Variants in HECW2 observed in about 807,000 individuals in gnomAD.
HECW2 encodes E3 ubiquitin-protein ligase HECW2.
In HECW2, 61 loss-of-function variants were observed where a neutral mutation model predicts 175.2. That is an observed-to-expected ratio of 0.35 (90% CI 0.28 to 0.43). The LOEUF is 0.43. Ranked by LOEUF, HECW2 falls within the 20% of genes least tolerant of loss-of-function variation. The probability of loss-of-function intolerance (pLI) is 1.00; values close to 1 mark genes in which losing one functional copy is unlikely to be tolerated. For synonymous variants in HECW2, 671 were observed against 731.0 expected (o/e 0.92, Z 1.32); for missense variants, 1,524 against 2,000.5 (o/e 0.76, Z 4.54).
intron 1 of HECW2, chr2:196,592,791 C>T (rs1436482601): frequency 2.6e-5 from 4 of 151,628 alleles, no homozygotes; most frequent in African/African-American, 9.7e-5. Context: ...GCGCCCGTCG[C>T]CACAAGCTGC....
chr2:196,561,635 T>G (rs1690005288), intron 1 of HECW2, among the ~76,000 whole-genome samples: 1 of 152,222 alleles, frequency 6.6e-6, no homozygotes, highest in South Asian at 2.1e-4. Context: ...TCTTTTGTAC[T>G]CTTTCCCTTT....
At chr2:196,414,800 A>T (rs1186453674) in intron 2 of HECW2, among the ~76,000 whole-genome samples, 1 of 152,080 alleles carries the variant, frequency 6.6e-6, no homozygotes, top group Non-Finnish European at 1.5e-5. Context: ...TTCTTGCCCC[A>T]ACAACTCAAA....
rs1467635875 is a variant in HECW2 at position 196,235,121 on chromosome 2, C to T, written c.3764+5328G>A. ...TTGTATTTTTTTTTTGTTTTTAGAC[C>T]CAGTCTCGCTCTGTCGCCCAGGCTG... On this transcript the variant is annotated intron_variant, in intron 21 of 28. Coordinates refer to ENST00000644978, the MANE Select transcript of HECW2 (RefSeq NM_001348768.2). Among the ~76,000 whole-genome samples, 10 of 144,372 alleles carry T rather than the reference C, an allele frequency of 6.9e-5. No individual in the cohort carries two copies. The South Asian group carries it at 8.7e-4, about 13-fold the overall frequency. 94.7% of individuals were successfully genotyped at this position (144,372 alleles called of 152,430 possible).
At chr2:196,272,592 C>T (rs537911680) in intron 16 of HECW2, among the ~76,000 whole-genome samples, 42 of 152,284 alleles carry the variant, frequency 2.8e-4, no homozygotes, top group African/African-American at 9.6e-4. Flanking sequence ...CTGTAGAGAT[C>T]TGCCATTTCC....
intron 1 of HECW2, among the ~76,000 whole-genome samples, chr2:196,548,240 G>A (rs1689487661): frequency 6.6e-6 from 1 of 151,508 alleles, no homozygotes; most frequent in South Asian, 2.1e-4. Context: ...TGAGGCAGGA[G>A]AATTGCTTGA....
At chr2:196,460,623 T>C (rs1055411034) in intron 1 of HECW2, among the ~76,000 whole-genome samples, 1 of 152,040 alleles carries the variant, frequency 6.6e-6, no homozygotes, top group Non-Finnish European at 1.5e-5. Flanking sequence ...TTTGTTTTTG[T>C]TTGTGAGACA....
At chr2:196,284,534 G>A (rs925978941) in intron 14 of HECW2, among the ~76,000 whole-genome samples, 2 of 152,276 alleles carry the variant, frequency 1.3e-5, no homozygotes, top group Non-Finnish European at 2.9e-5. Flanking sequence ...TTTCCTTAGT[G>A]CTTTGCTTTA....
chr2:196,559,443 G>T (rs1452985772), intron 1 of HECW2, among the ~76,000 whole-genome samples: 2 of 152,202 alleles, frequency 1.3e-5, no homozygotes, highest in African/African-American at 4.8e-5. Flanking sequence ...ATATCAAGCT[G>T]CCATCAACAT....
At chr2:196,329,495 G>T in intron 5 of HECW2, 80 bp downstream of exon 5, 1 of 1,157,760 alleles carries the variant, frequency 8.6e-7, no homozygotes, top group Non-Finnish European at 1.3e-6. Flanking sequence ...ATATACGAAA[G>T]TCTGCAGAAA....
chr2:196,527,116 T>C (rs1179023338), intron 1 of HECW2, among the ~76,000 whole-genome samples: 2 of 152,204 alleles, frequency 1.3e-5, no homozygotes, highest in Admixed American at 6.5e-5. Flanking sequence ...ACTGCTGTGC[T>C]AGCAATCAGC....
chr2:196,529,085 C>T (rs1323216628), intron 1 of HECW2, among the ~76,000 whole-genome samples: 1 of 152,216 alleles, frequency 6.6e-6, no homozygotes, highest in Non-Finnish European at 1.5e-5. Flanking sequence ...AGCCACACCA[C>T]ATGGAATCAA....
At chr2:196,468,077 C>T (rs959270725) in intron 1 of HECW2, among the ~76,000 whole-genome samples, 1 of 152,140 alleles carries the variant, frequency 6.6e-6, no homozygotes, top group African/African-American at 2.4e-5. Context: ...GCACTGCAAC[C>T]TCCACCTCCC....
At chr2:196,318,346 T>C (rs1444622989) in intron 9 of HECW2, among the ~76,000 whole-genome samples, 3 of 152,192 alleles carry the variant, frequency 2.0e-5, no homozygotes, top group African/African-American at 7.2e-5. Flanking sequence ...AGGAAGGGTT[T>C]CAGCTGCCCA....
chr2:196,452,155 T>C (rs79280729), intron 1 of HECW2, among the ~76,000 whole-genome samples: 3,142 of 152,246 alleles, frequency 0.021, 95 homozygotes, highest in African/African-American at 0.072. Flanking sequence ...TATTGATCAT[T>C]TGAAATGTGG....
chr2:196,307,211 T>G lies in HECW2; in HGVS notation c.2608A>C (p.Met870Leu), dbSNP rs748120551. The change falls in exon 12 of 29, where the codon ATG (methionine) becomes CTG (leucine). Residue 870 changes from methionine (M) to leucine (L), a missense_variant. Physicochemically the swap from Met to Leu is conservative, Grantham distance 15 (BLOSUM62 2). This residue lies in a region of HECW2 where 105 missense variants were observed against 98.1 expected (regional missense o/e 1.07). Coordinates refer to ENST00000644978, the MANE Select transcript of HECW2 (RefSeq NM_001348768.2). ...TTTTCCTCAGGCCTCTCATTGGTCA[T>G]GGTTCTGCGGATACTCTGATATCTA... ...NRRYQSIRRT[M>L]TNERPEENTN... 1 of 1,612,982 alleles carries G rather than the reference T, an allele frequency of 6.2e-7. No homozygotes were observed. Among genetic ancestry groups the G allele is most frequent in the South Asian group, 1.1e-5 (1 of 91,062 alleles).
intron 1 of HECW2, among the ~76,000 whole-genome samples, chr2:196,574,359 G>A (rs886455355): frequency 6.6e-6 from 1 of 152,026 alleles, no homozygotes; most frequent in African/African-American, 2.4e-5. Context: ...GAACTCAGGA[G>A]GCAGAGGTTG....
intron 1 of HECW2, among the ~76,000 whole-genome samples, chr2:196,455,394 G>A (rs538575844): frequency 7.9e-5 from 12 of 152,238 alleles, no homozygotes; most frequent in African/African-American, 2.2e-4. Context: ...ATAAATAATA[G>A]TGATTTCTAT....
At chr2:196,570,147 T>C (rs553192122) in intron 1 of HECW2, among the ~76,000 whole-genome samples, 47 of 152,354 alleles carry the variant, frequency 3.1e-4, no homozygotes, top group Admixed American at 5.2e-4. Flanking sequence ...TAGATATGAC[T>C]GCAAACACAG....
intron 2 of HECW2, among the ~76,000 whole-genome samples, chr2:196,362,779 T>C (rs1693634138): frequency 6.6e-6 from 1 of 152,192 alleles, no homozygotes; most frequent in Non-Finnish European, 1.5e-5. Flanking sequence ...AGATCCACCA[T>C]TCTTTAATGG....
Sources: gnomAD v4.1 joint callset for allele counts (sites outside exome capture counted in the v4.1 genomes callset) on GRCh38, gnomAD v4.1.1 for gene constraint, gnomAD v4.1.1 regional missense constraint, MANE v1.5 for transcripts, NCBI Gene and HGNC (gene_info 2026-07-23, HGNC 2026-07-21) for gene names.